The following RPS6KA2 variants were observed in gnomAD, a reference collection of about 807,000 sequenced individuals.
The protein encoded by RPS6KA2 is ribosomal protein S6 kinase A2.
RPS6KA2 carries 42 observed loss-of-function variants against 91.8 expected under a neutral mutation model. That is an observed-to-expected ratio of 0.46 (90% CI 0.36 to 0.59). The LOEUF (loss-of-function observed/expected upper bound fraction) is 0.59, where lower values mean the gene tolerates loss of function less well. Among genes scored for constraint, RPS6KA2 ranks in the 20% least tolerant of loss-of-function variants. The pLI is 0.00. For missense variants in RPS6KA2, 798 were observed against 978.5 expected (o/e 0.82, Z 2.46); for synonymous variants, 414 against 393.6 (o/e 1.05, Z -0.61).
intron 10 of RPS6KA2, among the ~76,000 whole-genome samples, chr6:166,481,644 T>G (rs143734095): frequency 6.7e-6 from 1 of 148,628 alleles, no homozygotes; most frequent in African/African-American, 2.5e-5. Flanking sequence ...GATGAGATGG[T>G]AGACTGTACA....
chr6:166,785,785 C>G (rs1317108149), intron 2 of RPS6KA2, among the ~76,000 whole-genome samples: 1 of 152,186 alleles, frequency 6.6e-6, no homozygotes, highest in East Asian at 1.9e-4. Context: ...GATTTTACTA[C>G]AACGATCTTA....
intron 2 of RPS6KA2, among the ~76,000 whole-genome samples, chr6:166,633,601 A>G (rs572700198): frequency 6.6e-6 from 1 of 152,382 alleles, no homozygotes; most frequent in South Asian, 2.1e-4. Flanking sequence ...GTTAATCCAG[A>G]CTTAAATCTA....
intron 2 of RPS6KA2, among the ~76,000 whole-genome samples, chr6:166,830,619 T>C (rs1780161446): frequency 6.6e-6 from 1 of 152,124 alleles, no homozygotes; most frequent in Non-Finnish European, 1.5e-5. Flanking sequence ...TCATGGACAA[T>C]TTCCTACGAG....
intron 14 of RPS6KA2, among the ~76,000 whole-genome samples, chr6:166,443,760 T>A (rs2128451916): frequency 6.6e-6 from 1 of 152,326 alleles, no homozygotes; most frequent in Non-Finnish European, 1.5e-5. Context: ...ACATTTTAAG[T>A]TTGTATAATA....
intron 2 of RPS6KA2, among the ~76,000 whole-genome samples, chr6:166,826,840 C>G (rs1562459513): frequency 6.6e-6 from 1 of 152,136 alleles, no homozygotes; most frequent in Non-Finnish European, 1.5e-5. Context: ...GAATAATTAA[C>G]CTCAGACCAT....
At chr6:166,834,848 T>TA (rs985727684) in intron 2 of RPS6KA2, among the ~76,000 whole-genome samples, 26 of 152,018 alleles carry the variant, frequency 1.7e-4, no homozygotes, top group African/African-American at 6.3e-4. Flanking sequence ...TTTATTTATT[T>TA]ATTTATTTAT....
At chr6:166,793,485 C>G (rs1432629935) in intron 2 of RPS6KA2, among the ~76,000 whole-genome samples, 1 of 149,692 alleles carries the variant, frequency 6.7e-6, no homozygotes, top group Non-Finnish European at 1.5e-5. Flanking sequence ...ACTTTCTTCA[C>G]AGAATTGGAA....
intron 2 of RPS6KA2, among the ~76,000 whole-genome samples, chr6:166,705,304 G>A (rs1046801031): frequency 6.6e-6 from 1 of 152,160 alleles, no homozygotes; most frequent in South Asian, 2.1e-4. Context: ...AGTGTTTCTC[G>A]AATGTGTCCG....
chr6:166,571,110 C>T (rs560026656), intron 1 of RPS6KA2, among the ~76,000 whole-genome samples: 3 of 152,334 alleles, frequency 2.0e-5, no homozygotes, highest in African/African-American at 4.8e-5. Context: ...ACCCCAGGAC[C>T]GATGAGGCCG....
intron 17 of RPS6KA2, among the ~76,000 whole-genome samples, chr6:166,421,713 T>C (rs1245837556): frequency 6.6e-6 from 1 of 152,202 alleles, no homozygotes; most frequent in Non-Finnish European, 1.5e-5. Context: ...CATGCATAAA[T>C]GAGAAGATGT....
intron 2 of RPS6KA2, among the ~76,000 whole-genome samples, chr6:166,763,788 G>T (rs966611948): frequency 6.6e-6 from 1 of 152,168 alleles, no homozygotes; most frequent in African/African-American, 2.4e-5. Flanking sequence ...AGTCCCAAGG[G>T]CCCCATGATA....
In RPS6KA2 at chr6:166,757,927, G is replaced by A. The variant is rs566109032; in HGVS notation, c.123+100273C>T. On this transcript the variant is annotated intron_variant, in intron 2 of 21. Coordinates refer to the RPS6KA2 transcript ENST00000503859. ...AATGCGAAGTTACTCATGCTGCTCC[G>A]AATCCCAGCAGGCTGGAACACAACA... 5 of 202,396 alleles carry A rather than the reference G, an allele frequency of 2.5e-5. No individual in the cohort carries two copies. The South Asian group carries it at 3.7e-4, about 15-fold the overall frequency. 12.5% of individuals were successfully genotyped at this position (202,396 alleles called of 1,614,324 possible).
At chr6:166,428,895 AG>A (rs1379839008) in intron 16 of RPS6KA2, among the ~76,000 whole-genome samples, 1 of 150,972 alleles carries the variant, frequency 6.6e-6, no homozygotes, top group Non-Finnish European at 1.5e-5. Context: ...TCAGGGATCT[AG>A]AACTAGAAAT....
rs530877817 is a variant in RPS6KA2 at position 166,494,540 on chromosome 6, C to T, written c.748-3799G>A. 1.3e-5 allele frequency among the ~76,000 whole-genome samples: 2 copies of T among 152,334 alleles called. No homozygotes were observed. Among genetic ancestry groups the T allele is most frequent in the South Asian group, 4.1e-4 (2 of 4,826 alleles). On this transcript the variant is annotated intron_variant, in intron 8 of 20. Transcript: ENST00000265678. This position sits in a 1 kb window ranked among gnomAD's most constrained non-coding sequence, Gnocchi z 5.1. ...GCTCAAGAGATGCTTTAGATGTTTA[C>T]AAAACAGCCCAAATATCCTTCTAGA...
intron 2 of RPS6KA2, among the ~76,000 whole-genome samples, chr6:166,724,737 C>T (rs945705523): frequency 3.3e-5 from 5 of 152,160 alleles, no homozygotes; most frequent in African/African-American, 4.8e-5. Context: ...ATTCTTTTAA[C>T]GTGGACCATC....
intron 12 of RPS6KA2, among the ~76,000 whole-genome samples, chr6:166,454,361 G>A (rs764978784): frequency 6.6e-6 from 1 of 152,112 alleles, no homozygotes; most frequent in Non-Finnish European, 1.5e-5. Context: ...AGCCAGGCGG[G>A]GTGGCGCACG....
intron 1 of RPS6KA2, among the ~76,000 whole-genome samples, chr6:166,619,550 C>T (rs1583334205): frequency 6.6e-6 from 1 of 152,184 alleles, no homozygotes; most frequent in Non-Finnish European, 1.5e-5. Flanking sequence ...GCCCCAGGTG[C>T]CTGCAGGAGC....
intron 1 of RPS6KA2, among the ~76,000 whole-genome samples, chr6:166,548,286 T>C (rs1783892044): frequency 6.6e-6 from 1 of 152,250 alleles, no homozygotes; most frequent in East Asian, 1.9e-4. Flanking sequence ...TGTTCACAAA[T>C]GCACCTGTAG....
At chr6:166,637,587 C>T (rs963985730) in intron 2 of RPS6KA2, among the ~76,000 whole-genome samples, 6 of 152,194 alleles carry the variant, frequency 3.9e-5, no homozygotes, top group African/African-American at 1.4e-4. Context: ...TCCTGAAGAC[C>T]GGAAATACTA....
Sources: allele counts gnomAD v4.1 joint callset (sites outside exome capture counted in the v4.1 genomes callset), GRCh38; gene constraint gnomAD v4.1.1; non-coding constraint Gnocchi (gnomAD v3.1); transcripts MANE v1.5; gene names NCBI Gene and HGNC (gene_info 2026-07-23, HGNC 2026-07-21).